GABRR1: variants seen among roughly 807,000 people sequenced by gnomAD.
GABRR1 encodes the protein gamma-aminobutyric acid type A receptor subunit rho1, also known as gamma-aminobutyric acid receptor subunit rho-1.
GABRR1 carries 59 observed loss-of-function variants against 55.5 expected under a neutral mutation model. The observed-to-expected ratio is 1.06, with a 90% CI of 0.86 to 1.32. The LOEUF (loss-of-function observed/expected upper bound fraction) is 1.32, where lower values mean the gene tolerates loss of function less well. Among genes scored for constraint, GABRR1 ranks in the 40% most tolerant of loss-of-function variants. The pLI, the probability that GABRR1 is intolerant of heterozygous loss-of-function variation, is 0.00. For synonymous variants in GABRR1, 213 were observed against 226.0 expected (o/e 0.94, Z 0.51); for missense variants, 602 against 619.1 (o/e 0.97, Z 0.29).
intron 1 of GABRR1, among the ~76,000 whole-genome samples, chr6:89,204,307 C>T (rs898702685): frequency 6.6e-6 from 1 of 152,190 alleles, no homozygotes; most frequent in African/African-American, 2.4e-5. Context: ...GAAAATGGAG[C>T]AGAGACAGGT....
At chr6:89,219,751 G>T (rs918025034), upstream of GABRR1, among the ~76,000 whole-genome samples, 5 of 152,086 alleles carry the variant, frequency 3.3e-5, no homozygotes, top group Middle Eastern at 6.4e-3. Flanking sequence ...TTCCTTTTGT[G>T]CTGTGGAGAG....
chr6:89,198,043 A>G lies in GABRR1; in HGVS notation c.549T>C (p.Asp183=), dbSNP rs1300561355. ...ACCTGAGACTATAGAGCACTTTCCC[A>G]TCAGGCTGGACCCGCAACATGACGT... is the stretch of plus-strand genomic sequence containing the variant. The part of the protein sequence containing the change: ...TDNVMLRVQP[D]GKVLYSLRVT... Residue 183 remains aspartate, a synonymous_variant, in exon 5 of 10, where the codon GAT becomes GAC. Transcript: ENST00000454853. 3 of 1,614,062 alleles carry G rather than the reference A, an allele frequency of 1.9e-6. No individual in the cohort carries two copies. The highest frequency in any genetic ancestry group is 4.5e-5 in the East Asian group (2 of 44,864).
intron 8 of GABRR1, 125 bp from the exon 9 acceptor site, chr6:89,180,613 T>C: frequency 1.7e-6 from 2 of 1,156,272 alleles, no homozygotes; most frequent in Non-Finnish European, 2.4e-6. Flanking sequence ...CCTGCTCCAC[T>C]GCCCAGCAAA....
rs567026276 is a variant in GABRR1 at position 89,215,927 on chromosome 6, G to T, written c.122+1274C>A. ...CCACTCTAACTCTGGCTTGGGAAAA[G>T]TTTTTGATGAAGACCAACAGAGTTT... On this transcript the variant is annotated intron_variant, in intron 1 of 9. Coordinates refer to ENST00000454853, the MANE Select transcript of GABRR1 (RefSeq NM_002042.5). Among the ~76,000 whole-genome samples, 8 of 152,320 alleles carry T rather than the reference G, an allele frequency of 5.3e-5. No homozygotes were observed. In the East Asian group the frequency reaches 1.5e-3, roughly 29 times the overall value.
intron 1 of GABRR1, among the ~76,000 whole-genome samples, chr6:89,207,604 G>A (rs980937570): frequency 6.6e-6 from 1 of 152,150 alleles, no homozygotes; most frequent in African/African-American, 2.4e-5. Flanking sequence ...AAATTAGGAA[G>A]AGAGAAAAGA....
In GABRR1 at chr6:89,217,234, C is replaced by T. The variant is rs1197207449; in HGVS notation, c.89G>A (p.Gly30Glu). ...LATESRMHWPGREVHEMSKKG... is the reference protein window; with the variant it reads ...LATESRMHWPEREVHEMSKKG... ...CTTAGACATCTCGTGGACTTCTCTT[C>T]CGGGCCAGTGCATTCTGCTTTCAGT... is the stretch of plus-strand genomic sequence containing the variant. The change falls in exon 1 of 10, where the codon GGA becomes GAA. Residue 30 changes from glycine (G) to glutamate (E), a missense_variant. Physicochemically the swap from Gly to Glu is moderately conservative, Grantham distance 98. Coordinates refer to ENST00000454853, the MANE Select transcript of GABRR1 (RefSeq NM_002042.5). 6.2e-7 allele frequency: 1 copy of T among 1,614,104 alleles called. No homozygotes were observed. The highest frequency in any genetic ancestry group is 8.5e-7 in the Non-Finnish European group (1 of 1,179,976).
At chr6:89,225,268 T>C (rs1236906910) in intron 1 of GABRR1, among the ~76,000 whole-genome samples, 1 of 151,606 alleles carries the variant, frequency 6.6e-6, no homozygotes, top group Non-Finnish European at 1.5e-5. Context: ...TGCTTTTTTT[T>C]TTTTTTTAAT....
chr6:89,224,622 G>A (rs764702646), intron 1 of GABRR1, among the ~76,000 whole-genome samples: 6 of 152,214 alleles, frequency 3.9e-5, no homozygotes, highest in Non-Finnish European at 7.3e-5. Context: ...TCTGTGGGTT[G>A]TCTGTTTACT....
At chr6:89,203,605 A>C (rs950650002) in intron 1 of GABRR1, 120 bp from the exon 2 acceptor site, 9 of 765,942 alleles carry the variant, frequency 1.2e-5, no homozygotes, top group African/African-American at 3.5e-5. Context: ...TAAAAGAAGA[A>C]GAAAAAACTA....
Position 89,231,217 on chromosome 6 carries a change from C to T in GABRR1, c.-412G>A, listed in dbSNP as rs568617874. ...CTCAGATGGAAATGCAGAAATCACC[C>T]GTCTTCTGCGTCGCTCACGCTGGGA... On this transcript the variant is annotated splice_region_variant and 5_prime_UTR_variant, in exon 1 of 12. Transcript: ENST00000369451. 3.0e-4 allele frequency: 47 copies of T among 156,266 alleles called. 1 individual carries two copies. In the East Asian group the frequency reaches 7.9e-3, roughly 26 times the overall value. The allele number at this position is 156,266 out of a possible 1,614,324, so 9.7% of individuals were successfully genotyped here.
intron 1 of GABRR1, among the ~76,000 whole-genome samples, chr6:89,230,798 G>C (rs906320297): frequency 2.9e-4 from 44 of 151,856 alleles, no homozygotes; most frequent in Non-Finnish European, 4.4e-4. Context: ...CACCCAGTTC[G>C]AGCTTCCCAG....
intron 1 of GABRR1, among the ~76,000 whole-genome samples, chr6:89,207,220 G>A (rs1032910974): frequency 6.6e-6 from 1 of 151,608 alleles, no homozygotes; most frequent in Non-Finnish European, 1.5e-5. Context: ...TTGAAGACAG[G>A]GTCTCACTCT....
chr6:89,229,091 C>T (rs1204483837), intron 1 of GABRR1, among the ~76,000 whole-genome samples: 2 of 151,820 alleles, frequency 1.3e-5, no homozygotes, highest in African/African-American at 4.8e-5. Context: ...CAACCCCTGC[C>T]TTTTTTTGTT....
At chr6:89,222,422 A>T (rs1773128410) in intron 1 of GABRR1, among the ~76,000 whole-genome samples, 1 of 152,192 alleles carries the variant, frequency 6.6e-6, no homozygotes, top group Non-Finnish European at 1.5e-5. Flanking sequence ...ATCTGGAGCC[A>T]AACACTCAGA....
intron 1 of GABRR1, among the ~76,000 whole-genome samples, chr6:89,223,507 C>T (rs1773144678): frequency 6.6e-6 from 1 of 152,168 alleles, no homozygotes; most frequent in South Asian, 2.1e-4. Flanking sequence ...CTGCTATAAA[C>T]ATGCGTGTAC....
At chr6:89,181,364 A>G (rs1209866059) in intron 8 of GABRR1, among the ~76,000 whole-genome samples, 1 of 152,208 alleles carries the variant, frequency 6.6e-6, no homozygotes. Context: ...TGAGAAAAAG[A>G]GCTGACAGCA....
At position 89,180,280 on chromosome 6, in the gene GABRR1, T is replaced by C. The variant is rs1413679561; in HGVS notation, c.1146+12A>G. 6.2e-7 allele frequency: 1 copy of C among 1,612,354 alleles called. No individual in the cohort carries two copies. Among genetic ancestry groups the C allele is most frequent in the African/African-American group, 1.3e-5 (1 of 74,926 alleles). Reference sequence around the variant, plus strand: ...ATCCTGACCAGACACTATAAGCGCATGGCAAAGTCACCTTCTCCCGCAGCT... The same window carrying C: ...ATCCTGACCAGACACTATAAGCGCACGGCAAAGTCACCTTCTCCCGCAGCT... On this transcript the variant is annotated intron_variant, in intron 9 of 9. Transcript: ENST00000454853.
chr6:89,208,496 A>T (rs35124757), intron 1 of GABRR1, among the ~76,000 whole-genome samples: 16,117 of 152,304 alleles, frequency 0.11, 1,006 homozygotes, highest in Non-Finnish European at 0.14. Context: ...CGATATTTTT[A>T]AAAAATGTGG....
At chr6:89,213,094 C>T (rs1160685316) in intron 1 of GABRR1, among the ~76,000 whole-genome samples, 1 of 152,128 alleles carries the variant, frequency 6.6e-6, no homozygotes. Flanking sequence ...TCTGGGAAAA[C>T]ATGAATTATT....
Sources: allele counts gnomAD v4.1 joint callset (sites outside exome capture counted in the v4.1 genomes callset), GRCh38; gene constraint gnomAD v4.1.1; transcripts MANE v1.5; gene names NCBI Gene and HGNC (gene_info 2026-07-23, HGNC 2026-07-21).